The following SIPA1L1 variants were observed in gnomAD, a reference collection of about 807,000 sequenced individuals.
SIPA1L1 encodes signal-induced proliferation-associated 1-like protein 1.
Under a neutral mutation model 162.7 loss-of-function variants are expected in SIPA1L1, and 26 were observed. The ratio of observed to expected loss-of-function variants is 0.16; its 90% CI spans 0.12 to 0.22. The LOEUF is 0.22. SIPA1L1 is among the 10% of genes least tolerant of loss of function. SIPA1L1 has a pLI of 1.00. For missense variants in SIPA1L1, 1,874 were observed against 2,241.0 expected (o/e 0.84, Z 3.31); for synonymous variants, 829 against 837.4 (o/e 0.99, Z 0.17).
intron 12 of SIPA1L1, among the ~76,000 whole-genome samples, chr14:71,675,745 T>C: frequency 6.6e-6 from 1 of 152,154 alleles, no homozygotes; most frequent in East Asian, 1.9e-4. Flanking sequence ...AGGACAGGCC[T>C]CCTTGAGGCA....
At chr14:71,534,054 A>G (rs1303316401) in intron 4 of SIPA1L1, among the ~76,000 whole-genome samples, 3 of 151,890 alleles carry the variant, frequency 2.0e-5, no homozygotes, top group African/African-American at 4.8e-5. Flanking sequence ...GTGAGACCCC[A>G]TCTCTACAAA....
intron 19 of SIPA1L1, 129 bp downstream of exon 19, chr14:71,724,964 A>G (rs914199277): frequency 1.6e-5 from 12 of 771,368 alleles, no homozygotes; most frequent in East Asian, 1.1e-4. Flanking sequence ...ACTTCCTGCT[A>G]TCATCCCATT....
chr14:71,484,112 A>G (rs185152812), intron 2 of SIPA1L1, among the ~76,000 whole-genome samples: 20 of 152,294 alleles, frequency 1.3e-4, no homozygotes, highest in Middle Eastern at 3.4e-3. Context: ...TATCCTCAGT[A>G]TGTCTTAATG....
chr14:71,736,942 C>T (rs1307875325), intron 22 of SIPA1L1, among the ~76,000 whole-genome samples: 1 of 152,232 alleles, frequency 6.6e-6, no homozygotes, highest in African/African-American at 2.4e-5. Flanking sequence ...GCTGCCCGGC[C>T]CCAGCCTCGT....
At chr14:71,626,950 A>G (rs2040055483) in intron 7 of SIPA1L1, among the ~76,000 whole-genome samples, 1 of 151,966 alleles carries the variant, frequency 6.6e-6, no homozygotes. Flanking sequence ...ATTAAATATA[A>G]AAGAAAGCAC....
intron 4 of SIPA1L1, among the ~76,000 whole-genome samples, chr14:71,539,019 A>T (rs918935378): frequency 1.3e-5 from 2 of 152,176 alleles, no homozygotes; most frequent in African/African-American, 2.4e-5. Context: ...GTATTTCTCA[A>T]CTGTTTTTCA....
At chr14:71,568,261 A>G (rs1257024787) in intron 4 of SIPA1L1, among the ~76,000 whole-genome samples, 1 of 152,078 alleles carries the variant, frequency 6.6e-6, no homozygotes, top group Non-Finnish European at 1.5e-5. Context: ...CCTCCCTTTT[A>G]CAAGGGAACC....
At chr14:71,346,102 T>C (rs1318684368) in intron 2 of SIPA1L1, among the ~76,000 whole-genome samples, 3 of 151,906 alleles carry the variant, frequency 2.0e-5, no homozygotes, top group Non-Finnish European at 2.9e-5. Context: ...GAGATGGGGT[T>C]TCACCATGTT....
At chr14:71,325,774 T>C (rs2033719708) in intron 2 of SIPA1L1, among the ~76,000 whole-genome samples, 1 of 152,100 alleles carries the variant, frequency 6.6e-6, no homozygotes, top group Non-Finnish European at 1.5e-5. Flanking sequence ...GATGAGAAAT[T>C]TCAACCTGTA....
intron 13 of SIPA1L1, 58 bp downstream of exon 13, chr14:71,685,689 A>G: frequency 4.4e-6 from 7 of 1,590,046 alleles, no homozygotes; most frequent in Non-Finnish European, 5.1e-6. Flanking sequence ...TAAGTAACAC[A>G]GACCCATAAG....
intron 12 of SIPA1L1, among the ~76,000 whole-genome samples, chr14:71,679,540 A>C (rs1473477740): frequency 6.6e-6 from 1 of 152,224 alleles, no homozygotes; most frequent in Non-Finnish European, 1.5e-5. Flanking sequence ...CAAGCAAAAT[A>C]ACCAGCTAAC....
chr14:71,454,724 A>T (rs920713469), intron 2 of SIPA1L1, among the ~76,000 whole-genome samples: 1 of 152,216 alleles, frequency 6.6e-6, no homozygotes, highest in Non-Finnish European at 1.5e-5. Context: ...GATTAAACAA[A>T]TGAGTACCAT....
intron 5 of SIPA1L1, among the ~76,000 whole-genome samples, chr14:71,610,119 A>G (rs1197005629): frequency 2.0e-5 from 3 of 152,228 alleles, no homozygotes; most frequent in Non-Finnish European, 2.9e-5. Context: ...CTTTAATGTA[A>G]TATTAAACTG....
At chr14:71,689,215 A>T (rs954299900) in intron 13 of SIPA1L1, among the ~76,000 whole-genome samples, 1 of 152,196 alleles carries the variant, frequency 6.6e-6, no homozygotes, top group Non-Finnish European at 1.5e-5. Flanking sequence ...TAGTTGGATG[A>T]TGTTCTTTAT....
chr14:71,592,444 C>T (rs894019763), intron 5 of SIPA1L1, among the ~76,000 whole-genome samples: 3 of 152,230 alleles, frequency 2.0e-5, no homozygotes, highest in South Asian at 4.1e-4. Context: ...CAGACTAACT[C>T]ATTTTTCCTA....
intron 7 of SIPA1L1, among the ~76,000 whole-genome samples, chr14:71,640,078 A>G (rs1453294862): frequency 6.6e-6 from 1 of 151,900 alleles, no homozygotes; most frequent in Non-Finnish European, 1.5e-5. Flanking sequence ...TAATTTTTGT[A>G]TTTTTAGTAG....
chr14:71,679,223 C>CT (rs761391424), intron 12 of SIPA1L1, among the ~76,000 whole-genome samples: 102 of 152,340 alleles, frequency 6.7e-4, no homozygotes, highest in Admixed American at 1.2e-3. Flanking sequence ...GCCCATCAGA[C>CT]TAACAGTGGC....
chr14:71,395,586 A>C (rs1244072243), intron 2 of SIPA1L1, among the ~76,000 whole-genome samples: 3 of 152,318 alleles, frequency 2.0e-5, no homozygotes, highest in East Asian at 3.9e-4. Context: ...ACTTGAGTCC[A>C]GGAGTTTGAG....
intron 7 of SIPA1L1, among the ~76,000 whole-genome samples, chr14:71,645,126 A>T (rs1270184699): frequency 2.0e-5 from 3 of 152,012 alleles, no homozygotes; most frequent in Non-Finnish European, 4.4e-5. Flanking sequence ...CCCTTCCTCC[A>T]TCTCCAAAGC....
Sources: allele counts gnomAD v4.1 joint callset (sites outside exome capture counted in the v4.1 genomes callset), GRCh38; gene constraint gnomAD v4.1.1; transcripts MANE v1.5; gene names NCBI Gene and HGNC (gene_info 2026-07-23, HGNC 2026-07-21).